GALNT17: variants seen among roughly 807,000 people sequenced by gnomAD.
The protein encoded by GALNT17 is polypeptide N-acetylgalactosaminyltransferase 17.
GALNT17 carries 29 observed loss-of-function variants against 63.7 expected under a neutral mutation model. The ratio of observed to expected loss-of-function variants is 0.46; its 90% CI spans 0.34 to 0.62. The LOEUF (loss-of-function observed/expected upper bound fraction) is 0.62. Among genes scored for constraint, GALNT17 ranks in the 20% least tolerant of loss-of-function variants. The pLI, the probability that GALNT17 is intolerant of heterozygous loss-of-function variation, is 0.01. For missense variants in GALNT17, 603 were observed against 799.6 expected (o/e 0.75, Z 2.97); for synonymous variants, 305 against 318.3 (o/e 0.96, Z 0.45).
chr7:71,486,704 T>TA (rs113797548), intron 5 of GALNT17, among the ~76,000 whole-genome samples: 37 of 139,782 alleles, frequency 2.6e-4, no homozygotes, highest in East Asian at 6.3e-4. Flanking sequence ...ATAAGTCAAT[T>TA]AAAAAAAAAA....
At chr7:71,556,381 C>T (rs1789162750) in intron 5 of GALNT17, among the ~76,000 whole-genome samples, 1 of 152,150 alleles carries the variant, frequency 6.6e-6, no homozygotes. Flanking sequence ...TCTTAGTGAT[C>T]AAGTAACTAT....
chr7:71,439,180 C>T (rs1268144396), intron 5 of GALNT17, among the ~76,000 whole-genome samples: 2 of 152,120 alleles, frequency 1.3e-5, no homozygotes, highest in Non-Finnish European at 1.5e-5. Context: ...CAGGGGTGAA[C>T]CACTGCGCCC....
rs369358599 is a variant in GALNT17 at position 71,621,026 on chromosome 7, T to C, written c.1081-44385T>C. 9.3e-4 allele frequency among the ~76,000 whole-genome samples: 142 copies of C among 152,304 alleles called. No individual in the cohort carries two copies. The South Asian group carries it at 0.013, about 14-fold the overall frequency. On this transcript the variant is annotated intron_variant, in intron 6 of 10. Coordinates refer to ENST00000333538, the MANE Select transcript of GALNT17 (RefSeq NM_022479.3). ...CAAGAGACAGGATATGGGTCTGAGA[T>C]TACACTTAGTTGCATTTTTTAAAAA...
chr7:71,143,253 C>T (rs557767351), intron 1 of GALNT17, among the ~76,000 whole-genome samples: 43 of 151,904 alleles, frequency 2.8e-4, no homozygotes, highest in African/African-American at 1.0e-3. Flanking sequence ...GAAACCCTGT[C>T]TCTACTAAAA....
At chr7:71,599,683 G>A (rs1389918852) in intron 6 of GALNT17, among the ~76,000 whole-genome samples, 1 of 151,766 alleles carries the variant, frequency 6.6e-6, no homozygotes. Flanking sequence ...GTAGAGGCCA[G>A]GGATGCTTCT....
intron 1 of GALNT17, among the ~76,000 whole-genome samples, chr7:71,321,906 C>CCTTCCTTCCTTCCTTT (rs1791617719): frequency 2.9e-5 from 3 of 104,982 alleles, no homozygotes; most frequent in South Asian, 4.3e-4. Context: ...TTCCTTCCTT[C>CCTTCCTTCCTTCCTTT]CTTCCTTCCT....
At position 71,663,195 on chromosome 7, in the gene GALNT17, G is replaced by A. The variant is rs75526797; in HGVS notation, c.1081-2216G>A. Among the ~76,000 whole-genome samples, 361 of 152,168 alleles carry A rather than the reference G, an allele frequency of 2.4e-3. 2 individuals carry two copies. Among genetic ancestry groups the A allele is most frequent in the African/African-American group, 8.0e-3 (333 of 41,526 alleles). On this transcript the variant is annotated intron_variant, in intron 6 of 10. Coordinates refer to ENST00000333538, the MANE Select transcript of GALNT17 (RefSeq NM_022479.3). ...CTTGAGGTCCCTTGTTTTTCCTTAC[G>A]AACTTTAGGATCTGCTTGTTAATTT...
At chr7:71,159,635 G>A (rs1402573925) in intron 1 of GALNT17, among the ~76,000 whole-genome samples, 1 of 147,924 alleles carries the variant, frequency 6.8e-6, no homozygotes, top group Non-Finnish European at 1.5e-5. Flanking sequence ...TTCAACTGGC[G>A]GGAGCAGAAA....
intron 5 of GALNT17, among the ~76,000 whole-genome samples, chr7:71,511,736 T>C (rs1485626039): frequency 1.3e-5 from 2 of 152,180 alleles, no homozygotes; most frequent in Non-Finnish European, 2.9e-5. Context: ...CCCCCTATAG[T>C]TGGGCAGTGC....
intron 5 of GALNT17, among the ~76,000 whole-genome samples, chr7:71,561,157 C>A (rs1232349033): frequency 6.6e-6 from 1 of 152,124 alleles, no homozygotes; most frequent in African/African-American, 2.4e-5. Flanking sequence ...GGACCACAGG[C>A]ACGCACCACC....
chr7:71,329,613 G>A (rs1001958608), intron 1 of GALNT17, among the ~76,000 whole-genome samples: 3 of 152,042 alleles, frequency 2.0e-5, no homozygotes, highest in African/African-American at 7.2e-5. Flanking sequence ...GGCAGAAGGC[G>A]AAAGGGAAGC....
intron 2 of GALNT17, among the ~76,000 whole-genome samples, chr7:71,341,295 A>T (rs1166282234): frequency 6.6e-6 from 1 of 152,216 alleles, no homozygotes; most frequent in Non-Finnish European, 1.5e-5. Flanking sequence ...GAGTGGAAAG[A>T]TCAAAAGAAA....
intron 6 of GALNT17, among the ~76,000 whole-genome samples, chr7:71,611,742 G>A (rs894861757): frequency 1.3e-5 from 2 of 152,068 alleles, no homozygotes; most frequent in East Asian, 1.9e-4. Context: ...AAATGCTAAA[G>A]GAATTTGGAC....
intron 1 of GALNT17, among the ~76,000 whole-genome samples, chr7:71,249,526 A>T (rs1277954998): frequency 1.3e-5 from 2 of 152,230 alleles, no homozygotes; most frequent in Non-Finnish European, 2.9e-5. Flanking sequence ...GCAATGCTTC[A>T]AATTTATTTT....
intron 5 of GALNT17, among the ~76,000 whole-genome samples, chr7:71,519,303 C>T (rs1218821675): frequency 6.6e-6 from 1 of 152,216 alleles, no homozygotes; most frequent in African/African-American, 2.4e-5. Context: ...ATTAATTCAT[C>T]CAATCATTCA....
At chr7:71,668,704 C>A (rs1791022698) in intron 7 of GALNT17, among the ~76,000 whole-genome samples, 1 of 151,970 alleles carries the variant, frequency 6.6e-6, no homozygotes, top group African/African-American at 2.4e-5. Flanking sequence ...TTCTCCCAGG[C>A]CCCCCAGTGC....
At chr7:71,702,291 A>C (rs546532759) in intron 9 of GALNT17, among the ~76,000 whole-genome samples, 1 of 152,166 alleles carries the variant, frequency 6.6e-6, no homozygotes, top group Non-Finnish European at 1.5e-5. Context: ...TTTTAAAAAT[A>C]GAAAAACAGA....
chr7:71,444,366 G>A (rs577821290), intron 5 of GALNT17, among the ~76,000 whole-genome samples: 1 of 152,130 alleles, frequency 6.6e-6, no homozygotes, highest in Non-Finnish European at 1.5e-5. Context: ...CAAGCAGAGG[G>A]GCTAATGTAC....
At chr7:71,418,927 G>A (rs1314552534) in intron 4 of GALNT17, among the ~76,000 whole-genome samples, 5 of 152,156 alleles carry the variant, frequency 3.3e-5, no homozygotes, top group East Asian at 3.9e-4. Flanking sequence ...GCGAAACCCT[G>A]TCTCTACTAA....
Sources: gnomAD v4.1 joint callset for allele counts (sites outside exome capture counted in the v4.1 genomes callset) on GRCh38, gnomAD v4.1.1 for gene constraint, MANE v1.5 for transcripts, NCBI Gene and HGNC (gene_info 2026-07-23, HGNC 2026-07-21) for gene names.